Variants in DAP observed in about 807,000 individuals in gnomAD.
DAP encodes death associated protein.
A neutral mutation model predicts 13.8 loss-of-function variants in DAP; 8 were observed. The observed-to-expected ratio is 0.58, with a 90% CI of 0.34 to 1.05. The LOEUF is 1.05. Ranked by LOEUF, DAP falls within the 50% of genes least tolerant of loss-of-function variation. The pLI is 0.03. For synonymous variants in DAP, 47 were observed against 47.5 expected (o/e 0.99, Z 0.04); for missense variants, 106 against 133.2 (o/e 0.80, Z 1.01).
At chr5:10,754,911 C>T (rs769017622) in intron 1 of DAP, among the ~76,000 whole-genome samples, 11 of 152,158 alleles carry the variant, frequency 7.2e-5, no homozygotes, top group South Asian at 2.1e-4. Flanking sequence ...CATGTCATCA[C>T]GTCCCCCCAC....
intron 2 of DAP, among the ~76,000 whole-genome samples, chr5:10,747,924 C>T (rs1579820680): frequency 0.029 from 1 of 34 alleles, no homozygotes; most frequent in East Asian, 0.17. Context: ...GGGCACCAGC[C>T]CCTGGGTGTG....
intron 2 of DAP, among the ~76,000 whole-genome samples, chr5:10,725,353 C>T (rs1029582142): frequency 1.1e-4 from 17 of 152,276 alleles, no homozygotes; most frequent in South Asian, 2.1e-4. Context: ...AGTCCTGAGG[C>T]GTGTGGGCTC....
At chr5:10,747,529 G>T (rs1739935611) in intron 2 of DAP, among the ~76,000 whole-genome samples, 1 of 152,202 alleles carries the variant, frequency 6.6e-6, no homozygotes, top group African/African-American at 2.4e-5. Flanking sequence ...AGAAGTTCTT[G>T]CCCCAGCTAC....
At chr5:10,733,134 T>C (rs1220227367) in intron 2 of DAP, among the ~76,000 whole-genome samples, 1 of 151,676 alleles carries the variant, frequency 6.6e-6, no homozygotes, top group Non-Finnish European at 1.5e-5. Context: ...TTCCCCTTTT[T>C]AAGGTTGAAT....
intron 2 of DAP, among the ~76,000 whole-genome samples, chr5:10,700,227 G>A (rs532157201): frequency 1.3e-5 from 2 of 152,292 alleles, no homozygotes; most frequent in South Asian, 2.1e-4. Context: ...ATCTACATGA[G>A]AGCCTTCCTT....
intron 2 of DAP, among the ~76,000 whole-genome samples, chr5:10,733,557 T>C (rs1324269933): frequency 8.5e-5 from 13 of 152,206 alleles, no homozygotes. Context: ...TCTATGAGAA[T>C]CCCTTGGGTA....
rs867358266 is a variant in DAP, at chr5:10,725,331, C to T, written c.152+22844G>A. On this transcript the variant is annotated intron_variant, in intron 2 of 3. Transcript: ENST00000230895. Reference sequence around the variant, plus strand: ...ACATGGTTATGCCGGGTCCTGAGCTCGGGCTGTCTCCAGTCCTGAGGCGTG... The same window carrying T: ...ACATGGTTATGCCGGGTCCTGAGCTTGGGCTGTCTCCAGTCCTGAGGCGTG... 4.6e-5 allele frequency among the ~76,000 whole-genome samples: 7 copies of T among 152,188 alleles called. No individual in the cohort carries two copies. The South Asian group carries it at 1.0e-3, about 22-fold the overall frequency.
intron 1 of DAP, among the ~76,000 whole-genome samples, chr5:10,756,865 C>T (rs1048933755): frequency 6.6e-6 from 1 of 152,210 alleles, no homozygotes; most frequent in Non-Finnish European, 1.5e-5. Flanking sequence ...GAAAGAATCT[C>T]GCTAATTCTA....
intron 2 of DAP, among the ~76,000 whole-genome samples, chr5:10,706,464 C>G (rs1480465738): frequency 6.6e-6 from 1 of 152,206 alleles, no homozygotes; most frequent in East Asian, 1.9e-4. Flanking sequence ...GACACCGAAG[C>G]CTGGGCTCCT....
chr5:10,694,454 AAC>A (rs1257890345), intron 2 of DAP, among the ~76,000 whole-genome samples: 2 of 152,212 alleles, frequency 1.3e-5, no homozygotes, highest in East Asian at 3.9e-4. Context: ...ACAGGGTCGA[AAC>A]ACAGTTTCCA....
intron 2 of DAP, among the ~76,000 whole-genome samples, chr5:10,700,093 C>T (rs572246398): frequency 2.6e-5 from 4 of 152,278 alleles, no homozygotes; most frequent in Non-Finnish European, 5.9e-5. Context: ...GGCCCCTCCG[C>T]GGGCAGGATG....
chr5:10,725,620 CA>C (rs1739270097), intron 2 of DAP, among the ~76,000 whole-genome samples: 1 of 152,206 alleles, frequency 6.6e-6, no homozygotes, highest in Non-Finnish European at 1.5e-5. Context: ...TGATGGAAAG[CA>C]GTCCCTAATA....
At chr5:10,733,030 A>G (rs1401776092) in intron 2 of DAP, among the ~76,000 whole-genome samples, 2 of 152,212 alleles carry the variant, frequency 1.3e-5, no homozygotes, top group Non-Finnish European at 2.9e-5. Flanking sequence ...CTGCATATAC[A>G]TAGAATCATG....
At chr5:10,702,143 C>A (rs1052980485) in intron 2 of DAP, among the ~76,000 whole-genome samples, 1 of 152,186 alleles carries the variant, frequency 6.6e-6, no homozygotes, top group Non-Finnish European at 1.5e-5. Context: ...GGTCAAGGAC[C>A]ATGGTGGAAT....
At chr5:10,719,001 A>C (rs1739065737) in intron 2 of DAP, among the ~76,000 whole-genome samples, 1 of 152,242 alleles carries the variant, frequency 6.6e-6, no homozygotes, top group African/African-American at 2.4e-5. Context: ...TATTGGACTT[A>C]CTGGTGAAAA....
intron 2 of DAP, among the ~76,000 whole-genome samples, chr5:10,731,810 G>A (rs754062514): frequency 5.3e-5 from 8 of 152,230 alleles, no homozygotes; most frequent in Non-Finnish European, 7.3e-5. Flanking sequence ...TCCTCTCAAT[G>A]CCACTTGTCT....
At chr5:10,734,471 T>C (rs1224482671) in intron 2 of DAP, among the ~76,000 whole-genome samples, 2 of 152,198 alleles carry the variant, frequency 1.3e-5, no homozygotes, top group Non-Finnish European at 2.9e-5. Flanking sequence ...ATCTCGGACA[T>C]ATGGGTACCC....
chr5:10,708,708 T>C (rs1738766812), intron 2 of DAP, among the ~76,000 whole-genome samples: 1 of 152,234 alleles, frequency 6.6e-6, no homozygotes, highest in South Asian at 2.1e-4. Context: ...GGGAAAGTCC[T>C]TGTGCGGTTG....
rs1030863626 is a variant in DAP at position 10,734,240 on chromosome 5, G to C, written c.152+13935C>G. ...AACAGTCCTGCCGGTGTAGATAGGA[G>C]TGTGGCAATCTTAGAAGGAGGCTGG... On this transcript the variant is annotated intron_variant, in intron 2 of 3. Transcript: ENST00000230895. 3 of 152,346 alleles carry C rather than the reference G, an allele frequency of 2.0e-5. No individual in the cohort carries two copies. The South Asian group carries it at 6.2e-4, about 32-fold the overall frequency. The allele number at this position is 152,346 out of a possible 1,614,324, so 9.4% of individuals were successfully genotyped here.
Sources: gnomAD v4.1 joint callset for allele counts (sites outside exome capture counted in the v4.1 genomes callset) on GRCh38, gnomAD v4.1.1 for gene constraint, MANE v1.5 for transcripts, NCBI Gene and HGNC (gene_info 2026-07-23, HGNC 2026-07-21) for gene names.